The following ACVR1 variants were observed in gnomAD, a reference collection of about 807,000 sequenced individuals.
The protein encoded by ACVR1 is activin A receptor type 1, also known as activin receptor type-1.
ACVR1 carries 38 observed loss-of-function variants against 57.1 expected under a neutral mutation model. That is an observed-to-expected ratio of 0.67 (90% CI 0.51 to 0.87). The LOEUF is 0.87. Among genes scored for constraint, ACVR1 ranks in the 40% least tolerant of loss-of-function variants. The pLI, the probability that ACVR1 is intolerant of heterozygous loss-of-function variation, is 0.00. For missense variants in ACVR1, 463 were observed against 638.2 expected, an observed-to-expected ratio of 0.73 and a Z score of 2.96; for synonymous variants, 212 against 228.1, an observed-to-expected ratio of 0.93 and a Z score of 0.63.
intron 2 of ACVR1, among the ~76,000 whole-genome samples, chr2:157,802,977 A>G (rs947224518): frequency 2.6e-5 from 4 of 152,194 alleles, no homozygotes; most frequent in African/African-American, 9.6e-5. Flanking sequence ...CCCACCATGC[A>G]CACAGACACA....
intron 9 of ACVR1, among the ~76,000 whole-genome samples, chr2:157,741,462 T>C (rs1264421716): frequency 1.3e-5 from 2 of 151,716 alleles, no homozygotes; most frequent in Non-Finnish European, 2.9e-5. Context: ...CCGTCTCTAC[T>C]AAAAATACAA....
intron 9 of ACVR1, among the ~76,000 whole-genome samples, chr2:157,759,675 C>T (rs1685565654): frequency 6.6e-6 from 1 of 152,038 alleles, no homozygotes; most frequent in Admixed American, 6.6e-5. Context: ...TTAATGAACA[C>T]AGATGCAAAA....
chr2:157,759,900 G>A (rs1205211569), intron 9 of ACVR1, among the ~76,000 whole-genome samples: 1 of 152,004 alleles, frequency 6.6e-6, no homozygotes, highest in African/African-American at 2.4e-5. Flanking sequence ...ATCCCTTCAT[G>A]ATATAAACTC....
At chr2:157,798,681 C>T (rs1226821511) in intron 3 of ACVR1, among the ~76,000 whole-genome samples, 1 of 151,742 alleles carries the variant, frequency 6.6e-6, no homozygotes, top group Non-Finnish European at 1.5e-5. Flanking sequence ...GTACACACCA[C>T]CACACCCAAC....
At chr2:157,777,307 A>T (rs1686328572) in intron 5 of ACVR1, among the ~76,000 whole-genome samples, 1 of 152,244 alleles carries the variant, frequency 6.6e-6, no homozygotes, top group Admixed American at 6.5e-5. Context: ...GTTAATCACT[A>T]GCCACACATT....
chr2:157,834,285 G>A (rs929293500), intron 1 of ACVR1, among the ~76,000 whole-genome samples: 1 of 151,968 alleles, frequency 6.6e-6, no homozygotes, highest in African/African-American at 2.4e-5. Context: ...CAGAGACGGG[G>A]TTTCACCGTG....
intron 2 of ACVR1, among the ~76,000 whole-genome samples, chr2:157,814,572 T>TA (rs1175026578): frequency 1.3e-5 from 2 of 152,226 alleles, no homozygotes; most frequent in Non-Finnish European, 2.9e-5. Context: ...AACTTGGCAA[T>TA]AAATTTCTAC....
At chr2:157,851,900 CACA>C (rs1355171128) in intron 1 of ACVR1, among the ~76,000 whole-genome samples, 4 of 39,244 alleles carry the variant, frequency 1.0e-4, no homozygotes, top group Admixed American at 3.2e-4. Flanking sequence ...CACACACACA[CACA>C]CACACACCAC....
rs544119600 is a variant in ACVR1, at chr2:157,770,658, T to C, written c.644-144A>G. The stretch of plus-strand genomic sequence containing the variant: ...GAAACTCAGCTTGGGAATATAAATA[T>C]CACAACCTTTATTTTTTATTTTTTT... On this transcript the variant is annotated intron_variant, in intron 6 of 10. Transcript: ENST00000434821. 9.3e-6 allele frequency: 8 copies of C among 856,414 alleles called. No individual in the cohort carries two copies. In the Admixed American group the frequency reaches 1.3e-4, roughly 14 times the overall value. 53.1% of individuals were successfully genotyped at this position (856,414 alleles called of 1,614,324 possible). A position where few individuals can be genotyped will look rare whatever the true frequency, so the allele number is the denominator to read the frequency against.
At chr2:157,799,806 A>G (rs977866660) in intron 2 of ACVR1, among the ~76,000 whole-genome samples, 4 of 152,232 alleles carry the variant, frequency 2.6e-5, no homozygotes, top group Non-Finnish European at 4.4e-5. Flanking sequence ...AGGCAGTCCC[A>G]AAAGATTTTA....
chr2:157,803,396 G>C (rs1687397035), intron 2 of ACVR1, among the ~76,000 whole-genome samples: 1 of 152,062 alleles, frequency 6.6e-6, no homozygotes, highest in South Asian at 2.1e-4. Context: ...ATTTTGTTCA[G>C]GGTCTGCAGT....
At chr2:157,751,904 G>A (rs758139460) in intron 9 of ACVR1, among the ~76,000 whole-genome samples, 12 of 152,076 alleles carry the variant, frequency 7.9e-5, no homozygotes, top group Non-Finnish European at 1.8e-4. Flanking sequence ...TATTCTCTTG[G>A]GAGTTCTATG....
intron 1 of ACVR1, among the ~76,000 whole-genome samples, chr2:157,838,666 C>T (rs188020860): frequency 2.6e-5 from 4 of 152,268 alleles, no homozygotes; most frequent in Admixed American, 6.5e-5. Flanking sequence ...GGAATCAATA[C>T]AGGAAGCACA....
intron 1 of ACVR1, among the ~76,000 whole-genome samples, chr2:157,855,308 G>GTGTATATA (rs1307480066): frequency 1.3e-3 from 65 of 51,666 alleles, no homozygotes; most frequent in African/African-American, 3.3e-3. Flanking sequence ...GTGTGTGTGT[G>GTGTATATA]TATATATATA....
intron 7 of ACVR1, 124 bp from the exon 8 acceptor site, chr2:157,766,320 G>A: frequency 1.0e-6 from 1 of 968,038 alleles, no homozygotes; most frequent in Non-Finnish European, 1.6e-6. Context: ...CTGACCAATT[G>A]CCCTAAGAGG....
At position 157,772,406 on chromosome 2, in the gene ACVR1, T is replaced by C. The variant is rs187813906; in HGVS notation, c.643+1682A>G. Among the ~76,000 whole-genome samples, 185 of 152,326 alleles carry C rather than the reference T, an allele frequency of 1.2e-3. 1 individual carries two copies. The highest frequency in any genetic ancestry group is 4.2e-3 in the African/African-American group (176 of 41,580). ...CATCACATATATTTTTACTAAAAGCTGTACCACATGAACACACTAACTACA... is the reference window on the plus strand; with the variant it reads ...CATCACATATATTTTTACTAAAAGCCGTACCACATGAACACACTAACTACA... On this transcript the variant is annotated intron_variant, in intron 6 of 10. Coordinates refer to ENST00000434821, the MANE Select transcript of ACVR1 (RefSeq NM_001111067.4).
chr2:157,842,627 C>T (rs1382481575), intron 1 of ACVR1, among the ~76,000 whole-genome samples: 1 of 152,212 alleles, frequency 6.6e-6, no homozygotes, highest in East Asian at 1.9e-4. Context: ...AACTCTTCAA[C>T]TCATGAATCA....
intron 3 of ACVR1, among the ~76,000 whole-genome samples, chr2:157,792,177 G>C (rs527601213): frequency 6.6e-6 from 1 of 151,714 alleles, no homozygotes; most frequent in South Asian, 2.1e-4. Flanking sequence ...GTGCCCAAGA[G>C]GAATTTCTCA....
chr2:157,851,157 G>A (rs957772762), intron 1 of ACVR1, among the ~76,000 whole-genome samples: 2 of 151,962 alleles, frequency 1.3e-5, no homozygotes, highest in Admixed American at 6.6e-5. Flanking sequence ...CCTAGCAAAC[G>A]GAAAGTTAAC....
Sources: gnomAD v4.1 joint callset for allele counts (sites outside exome capture counted in the v4.1 genomes callset) on GRCh38, gnomAD v4.1.1 for gene constraint, MANE v1.5 for transcripts, NCBI Gene and HGNC (gene_info 2026-07-23, HGNC 2026-07-21) for gene names.